Variants in TRARG1 observed in about 807,000 individuals in gnomAD.
TRARG1 encodes trafficking regulator of GLUT4 (SLC2A4) 1 (gene/pseudogene).
Under a neutral mutation model 13.3 loss-of-function variants are expected in TRARG1, and 16 were observed. The observed-to-expected ratio is 1.20, with a 90% CI of 0.81 to 1.83. The LOEUF (loss-of-function observed/expected upper bound fraction) is 1.83, where lower values mean the gene tolerates loss of function less well. Ranked by LOEUF, TRARG1 falls within the 40% of genes most tolerant of loss-of-function variation. The pLI is 0.00. For missense variants in TRARG1, 250 were observed against 237.4 expected (o/e 1.05, Z -0.35); for synonymous variants, 113 against 106.2 (o/e 1.06, Z -0.39).
At position 1,298,459 on chromosome 17, in the gene TRARG1, G is replaced by A. The variant is rs1161147485; in HGVS notation, c.*195G>A. On this transcript the variant is annotated 3_prime_UTR_variant, in exon 3 of 3. Transcript: ENST00000333813. ...TGACAAGAAAGCCTGGAGCGAGGAA[G>A]GAAAGCACAGCGAACCCAATGGGTA... The A allele has an allele frequency of 1.4e-5, 8 of 565,446 alleles. No individual in the cohort carries two copies. The highest frequency in any genetic ancestry group is 1.2e-5 in the Non-Finnish European group (4 of 328,218). 35.0% of individuals were successfully genotyped at this position (565,446 alleles called of 1,614,324 possible).
At position 1,295,600 on chromosome 17, in the gene TRARG1, T is replaced by A. The variant is rs1434416986; in HGVS notation, c.497T>A (p.Val166Glu). ...ATCATGGGCATCGTCATTATCATGG[T>A]GGCCGTGACCGTCAACTTCACAGGT... ...LIIMGIVIIM[V>E]AVTVNFTVQK... The change falls in exon 2 of 3, where the codon GTG (valine) becomes GAG (glutamate). Residue 166 changes from valine (V) to glutamate (E), a missense_variant. By Grantham distance (121) the Val-to-Glu change is moderately radical (BLOSUM62 -2). Transcript: ENST00000333813. 1 of 1,612,528 alleles carries A rather than the reference T, an allele frequency of 6.2e-7. No individual in the cohort carries two copies. Among genetic ancestry groups the A allele is most frequent in the Non-Finnish European group, 8.5e-7 (1 of 1,179,554 alleles).
Position 1,280,305 on chromosome 17 carries a change from A to G in TRARG1, c.304A>G (p.Arg102Gly), listed in dbSNP as rs1364243886. ...TSYAQDQEAP[R>G]DYLILAVVAC... ...CTATGCCCAAGACCAAGAAGCCCCC[A>G]GAGATTACCTCATCCTGGCCGTCGT... Residue 102 changes from arginine to glycine, a missense_variant, in exon 1 of 3, where the codon AGA (arginine) becomes GGA (glycine). By Grantham distance (125) the Arg-to-Gly change is moderately radical. Transcript: ENST00000333813. The G allele has an allele frequency of 1.2e-6, 2 of 1,613,914 alleles. No homozygotes were observed. Among genetic ancestry groups the G allele is most frequent in the South Asian group, 2.2e-5 (2 of 91,042 alleles).
At chr17:1,293,179 G>A (rs2072084638) in intron 1 of TRARG1, among the ~76,000 whole-genome samples, 1 of 151,868 alleles carries the variant, frequency 6.6e-6, no homozygotes, top group African/African-American at 2.4e-5. Context: ...AGCTACTTGG[G>A]AGGCTGGGGT....
intron 1 of TRARG1, among the ~76,000 whole-genome samples, chr17:1,291,686 A>G (rs34460728): frequency 0.29 from 43,520 of 151,918 alleles, 6,403 homozygotes; most frequent in East Asian, 0.42. Context: ...CACGAGATAC[A>G]CGTTCAAAGA....
chr17:1,286,617 GT>G (rs2072026342), intron 1 of TRARG1, among the ~76,000 whole-genome samples: 1 of 109,990 alleles, frequency 9.1e-6, no homozygotes, highest in African/African-American at 4.3e-5. Context: ...GGCCTGTGGG[GT>G]GTTGTTTTCG....
intron 1 of TRARG1, among the ~76,000 whole-genome samples, chr17:1,294,235 C>T (rs11657005): frequency 0.46 from 70,037 of 151,728 alleles, 16,766 homozygotes; most frequent in African/African-American, 0.59. Context: ...TCCTAGGACC[C>T]TCTCTGTCCC....
At chr17:1,297,675 C>T (rs2072122335) in intron 2 of TRARG1, among the ~76,000 whole-genome samples, 1 of 150,034 alleles carries the variant, frequency 6.7e-6, no homozygotes, top group South Asian at 2.1e-4. Context: ...ACAATCTCGG[C>T]TCACTGCAAC....
chr17:1,291,679 G>A (rs997261249), intron 1 of TRARG1, among the ~76,000 whole-genome samples: 2 of 152,160 alleles, frequency 1.3e-5, no homozygotes, highest in African/African-American at 4.8e-5. Context: ...TACCTAGCAC[G>A]AGATACACGT....
intron 1 of TRARG1, among the ~76,000 whole-genome samples, chr17:1,284,541 G>A (rs541163982): frequency 8.2e-4 from 125 of 152,322 alleles, no homozygotes; most frequent in African/African-American, 3.0e-3. Context: ...AGGGCCAGAG[G>A]TGGCTCTGAA....
At chr17:1,282,079 T>TATATACAG (rs1567927985) in intron 1 of TRARG1, among the ~76,000 whole-genome samples, 1 of 44,818 alleles carries the variant, frequency 2.2e-5, no homozygotes, top group Non-Finnish European at 4.4e-5. Flanking sequence ...CATATATACA[T>TATATACAG]ATATGTACAT....
At chr17:1,284,114 CAAAA>C (rs747664490) in intron 1 of TRARG1, among the ~76,000 whole-genome samples, 1 of 124,190 alleles carries the variant, frequency 8.1e-6, no homozygotes. Context: ...GATTCTGTCT[CAAAA>C]AAAAAAAGAA....
At chr17:1,280,621 G>A (rs916704314) in intron 1 of TRARG1, among the ~76,000 whole-genome samples, 5 of 152,158 alleles carry the variant, frequency 3.3e-5, no homozygotes, top group African/African-American at 9.7e-5. Flanking sequence ...ATCAGAGCTC[G>A]ACTTTGCACC....
intron 2 of TRARG1, among the ~76,000 whole-genome samples, chr17:1,297,373 C>T (rs891317006): frequency 6.6e-6 from 1 of 152,178 alleles, no homozygotes; most frequent in East Asian, 1.9e-4. Context: ...GAGAGGGAAG[C>T]GTTCGGGTTT....
intron 1 of TRARG1, 149 bp from the exon 2 acceptor site, chr17:1,295,342 C>A (rs2072103034): frequency 4.9e-6 from 5 of 1,015,814 alleles, no homozygotes; most frequent in Non-Finnish European, 6.9e-6. Flanking sequence ...GGACAGCCCT[C>A]TTCCTCTCCC....
In TRARG1 at chr17:1,280,166, G is replaced by A. The variant is rs767833099; in HGVS notation, c.165G>A (p.Gln55=). Residue 55 remains glutamine (Q), a synonymous_variant, in exon 1 of 3, where the codon CAG becomes CAA. Transcript: ENST00000333813. ...KTLSGPLDLE[Q]NSQGLPFKAI... is the part of the protein sequence containing the mutation. The stretch of plus-strand genomic sequence containing the variant: ...TCTCGGGGCCTCTGGATCTGGAGCA[G>A]AACAGCCAGGGCCTACCCTTCAAGG... The A allele has an allele frequency of 5.0e-6, 8 of 1,614,054 alleles. No homozygotes were observed. The highest frequency in any genetic ancestry group is 1.1e-5 in the South Asian group (1 of 91,062).
intron 1 of TRARG1, among the ~76,000 whole-genome samples, chr17:1,286,410 G>C (rs972508022): frequency 7.4e-6 from 1 of 135,030 alleles, no homozygotes; most frequent in Non-Finnish European, 1.5e-5. Flanking sequence ...CGGCCTGCGG[G>C]TTGTTATCAG....
rs1567934059 is a variant in TRARG1, at chr17:1,298,109, GA to G, written c.521-141del. 36 of 933,750 alleles carry G rather than the reference GA, an allele frequency of 3.9e-5. No individual in the cohort carries two copies. The Middle Eastern group carries it at 9.0e-4, about 23-fold the overall frequency. The allele number at this position is 933,750 out of a possible 1,614,324, so 57.8% of individuals were successfully genotyped here. The stretch of plus-strand genomic sequence containing the variant: ...GTTACTCCAAGAGCTCCAAACCAAA[GA>G]GGTTCCCAAGCCTTAGCCTTCTCCC... On this transcript the variant is annotated intron_variant, in intron 2 of 2. Transcript: ENST00000333813.
intron 1 of TRARG1, among the ~76,000 whole-genome samples, chr17:1,283,269 T>A (rs1192513398): frequency 2.6e-5 from 4 of 151,908 alleles, no homozygotes; most frequent in Non-Finnish European, 5.9e-5. Context: ...GGGGGTGAAA[T>A]GAGACGGGCC....
chr17:1,287,668 T>A (rs1428007609), intron 1 of TRARG1, among the ~76,000 whole-genome samples: 1 of 148,794 alleles, frequency 6.7e-6, no homozygotes, highest in Non-Finnish European at 1.5e-5. Context: ...GCCTGTTGTT[T>A]TTAAGACAGA....
Sources: gnomAD v4.1 joint callset for allele counts (sites outside exome capture counted in the v4.1 genomes callset) on GRCh38, gnomAD v4.1.1 for gene constraint, MANE v1.5 for transcripts, NCBI Gene and HGNC (gene_info 2026-07-23, HGNC 2026-07-21) for gene names.